SORCS3: variants seen among roughly 807,000 people sequenced by gnomAD.
SORCS3 encodes the protein VPS10 domain-containing receptor SorCS3.
A neutral mutation model predicts 146.3 loss-of-function variants in SORCS3; 57 were observed. The ratio of observed to expected loss-of-function variants is 0.39; its 90% CI spans 0.31 to 0.49. The LOEUF (loss-of-function observed/expected upper bound fraction) is 0.49. Ranked by LOEUF, SORCS3 falls within the 20% of genes least tolerant of loss-of-function variation. The probability of loss-of-function intolerance (pLI) is 0.92; values close to 1 mark genes in which losing one functional copy is unlikely to be tolerated. For synonymous variants in SORCS3, 653 were observed against 618.5 expected (o/e 1.06, Z -0.83); for missense variants, 1,341 against 1,575.5 (o/e 0.85, Z 2.52).
chr10:104,983,926 C>T (rs1161175211), intron 4 of SORCS3, among the ~76,000 whole-genome samples: 4 of 152,044 alleles, frequency 2.6e-5, no homozygotes, highest in Non-Finnish European at 4.4e-5. Context: ...TTTTAACATA[C>T]ATACCGAAAA....
chr10:104,820,440 C>T (rs536941361), intron 1 of SORCS3, among the ~76,000 whole-genome samples: 34 of 152,192 alleles, frequency 2.2e-4, no homozygotes, highest in African/African-American at 7.5e-4. Context: ...TACTATGTAT[C>T]AAGTAGGGTT....
In SORCS3 at chr10:105,233,485, C is replaced by T. The variant is rs571526298; in HGVS notation, c.2868+10236C>T. Among the ~76,000 whole-genome samples the T allele has an allele frequency of 6.6e-5, 10 of 152,126 alleles. No homozygotes were observed. In the South Asian group the frequency reaches 2.1e-3, roughly 32 times the overall value. On this transcript the variant is annotated intron_variant, in intron 20 of 26. Transcript: ENST00000369701. ...GGTTTGTTACATAGGTATACACATG[C>T]TATGGTGGTTTGCTGCACCCATCAA... is the stretch of plus-strand genomic sequence containing the variant.
intron 1 of SORCS3, among the ~76,000 whole-genome samples, chr10:104,680,499 G>A (rs2015958493): frequency 6.6e-6 from 1 of 152,220 alleles, no homozygotes; most frequent in African/African-American, 2.4e-5. Flanking sequence ...GGACTCTGAA[G>A]TCAGGCTGCA....
At chr10:105,125,026 T>C (rs1376195657) in intron 7 of SORCS3, among the ~76,000 whole-genome samples, 5 of 152,196 alleles carry the variant, frequency 3.3e-5, no homozygotes, top group East Asian at 1.9e-4. Flanking sequence ...CATTATTTCA[T>C]TGTGCTACAT....
rs150297056 is a variant in SORCS3 at position 104,845,375 on chromosome 10, A to G, written c.695+2516A>G. On this transcript the variant is annotated intron_variant, in intron 2 of 26. Coordinates refer to ENST00000369701, the MANE Select transcript of SORCS3 (RefSeq NM_014978.3). ...CATCTAGAAGATTATTTGGCACACA[A>G]GAGGTGCTTAATAAATGTTTACTTA... Among the ~76,000 whole-genome samples, 251 of 152,378 alleles carry G rather than the reference A, an allele frequency of 1.6e-3. 1 individual carries two copies. The highest frequency in any genetic ancestry group is 0.01 in the Middle Eastern group (3 of 294).
intron 2 of SORCS3, among the ~76,000 whole-genome samples, chr10:104,882,611 G>A (rs2018642573): frequency 6.6e-6 from 1 of 152,136 alleles, no homozygotes; most frequent in Non-Finnish European, 1.5e-5. Context: ...TGGGAAATAT[G>A]TTTATGGATT....
chr10:104,960,558 T>C (rs956491656), intron 3 of SORCS3, among the ~76,000 whole-genome samples: 1 of 152,084 alleles, frequency 6.6e-6, no homozygotes, highest in Non-Finnish European at 1.5e-5. Context: ...AGATCCCTCT[T>C]CCTCTTCTGC....
chr10:104,684,233 A>T (rs1441494455), intron 1 of SORCS3, among the ~76,000 whole-genome samples: 1 of 152,192 alleles, frequency 6.6e-6, no homozygotes, highest in Non-Finnish European at 1.5e-5. Context: ...GTACCACCTT[A>T]TAGGGTGGCT....
rs2119649614 is a variant in SORCS3 at position 105,214,617 on chromosome 10, G to T, written c.2547+4G>T. The T allele has an allele frequency of 6.4e-7, 1 of 1,562,688 alleles. No individual in the cohort carries two copies. The highest frequency in any genetic ancestry group is 2.3e-5 in the East Asian group (1 of 43,862). ...TTTCATCATCCTCATGGAGGAGGTA[G>T]GTGCTCAACTGGGTCTCTGAGGTCA... On this transcript the variant is annotated splice_donor_region_variant and intron_variant, in intron 18 of 26. Coordinates refer to ENST00000369701, the MANE Select transcript of SORCS3 (RefSeq NM_014978.3).
chr10:104,865,863 T>C (rs1410073547), intron 2 of SORCS3, among the ~76,000 whole-genome samples: 1 of 152,234 alleles, frequency 6.6e-6, no homozygotes, highest in African/African-American at 2.4e-5. Flanking sequence ...CATGCTTTCT[T>C]TGCGAGATAG....
intron 4 of SORCS3, among the ~76,000 whole-genome samples, chr10:105,018,212 C>T (rs890434719): frequency 9.2e-5 from 14 of 152,206 alleles, no homozygotes; most frequent in Admixed American, 5.2e-4. Context: ...TCTCAGGCGA[C>T]GTTCCCCTCA....
At chr10:104,961,016 G>A (rs11192253) in intron 3 of SORCS3, among the ~76,000 whole-genome samples, 2 of 152,030 alleles carry the variant, frequency 1.3e-5, no homozygotes, top group East Asian at 1.9e-4. Flanking sequence ...TTCCTCCTAC[G>A]CAGCTTCAAC....
chr10:105,029,731 G>C (rs1191250969), intron 4 of SORCS3, among the ~76,000 whole-genome samples: 2 of 152,190 alleles, frequency 1.3e-5, no homozygotes, highest in African/African-American at 2.4e-5. Context: ...CCTTCTTTAA[G>C]AAGCTTCAAA....
At chr10:105,006,444 C>T (rs913410134) in intron 4 of SORCS3, among the ~76,000 whole-genome samples, 4 of 152,160 alleles carry the variant, frequency 2.6e-5, no homozygotes, top group Non-Finnish European at 5.9e-5. Context: ...ATTGTAACAA[C>T]CTCTTCCTCC....
At chr10:105,222,043 A>G (rs76412435) in intron 19 of SORCS3, among the ~76,000 whole-genome samples, 2 of 112,196 alleles carry the variant, frequency 1.8e-5, no homozygotes, top group Non-Finnish European at 3.8e-5. Flanking sequence ...ATACCTTAAC[A>G]CTTTTTTTTT....
At chr10:104,793,216 C>T (rs889707484) in intron 1 of SORCS3, among the ~76,000 whole-genome samples, 1 of 152,102 alleles carries the variant, frequency 6.6e-6, no homozygotes, top group African/African-American at 2.4e-5. Context: ...ACAGACTCTA[C>T]AATTAGGGTA....
intron 20 of SORCS3, among the ~76,000 whole-genome samples, chr10:105,241,217 G>A (rs1222723383): frequency 6.6e-6 from 1 of 152,166 alleles, no homozygotes; most frequent in Non-Finnish European, 1.5e-5. Flanking sequence ...CAGCAGTGGT[G>A]TTCCCTCTAC....
At chr10:105,220,085 T>C (rs2056691334) in intron 19 of SORCS3, among the ~76,000 whole-genome samples, 1 of 152,206 alleles carries the variant, frequency 6.6e-6, no homozygotes, top group Non-Finnish European at 1.5e-5. Flanking sequence ...ATTAGATTTT[T>C]ATCAAAAGGG....
At chr10:105,171,744 TCTC>T (rs1286419691) in intron 13 of SORCS3, among the ~76,000 whole-genome samples, 1 of 152,184 alleles carries the variant, frequency 6.6e-6, no homozygotes, top group East Asian at 1.9e-4. Flanking sequence ...GAACATTGAT[TCTC>T]AATGACCACT....
Sources: allele counts gnomAD v4.1 joint callset (sites outside exome capture counted in the v4.1 genomes callset), GRCh38; gene constraint gnomAD v4.1.1; transcripts MANE v1.5; gene names NCBI Gene and HGNC (gene_info 2026-07-23, HGNC 2026-07-21).